Variants in MYO5C observed in about 807,000 individuals in gnomAD.
The protein encoded by MYO5C is myosin VC, also known as unconventional myosin-Vc.
In MYO5C, 194 loss-of-function variants were observed where a neutral mutation model predicts 235.7. The ratio of observed to expected loss-of-function variants is 0.82; its 90% confidence interval spans 0.73 to 0.93. The LOEUF is 0.93. Ranked by LOEUF, MYO5C falls within the 40% of genes least tolerant of loss-of-function variation. MYO5C has a pLI of 0.00. For synonymous variants in MYO5C, 707 were observed against 754.8 expected (o/e 0.94, Z 1.04); for missense variants, 2,038 against 2,127.2 (o/e 0.96, Z 0.82).
chr15:52,261,213 C>T, intron 9 of MYO5C, 86 bp from the exon 10 acceptor site: 1 of 1,499,440 alleles, frequency 6.7e-7, no homozygotes, highest in Non-Finnish European at 9.0e-7. Context: ...CGTGCCCACA[C>T]TCAGGCCTGT....
chr15:52,251,190 A>G (rs943358837), intron 13 of MYO5C, 200 bp downstream of exon 13: 6 of 385,808 alleles, frequency 1.6e-5, no homozygotes, highest in African/African-American at 1.2e-4. Flanking sequence ...TTCTAACAAC[A>G]CATTCGTCTT....
chr15:52,272,594 T>G lies in MYO5C; in HGVS notation c.736A>C (p.Arg246=), dbSNP rs771404545. 6.2e-7 allele frequency: 1 copy of G among 1,611,732 alleles called. No individual in the cohort carries two copies. The highest frequency in any genetic ancestry group is 1.1e-5 in the South Asian group (1 of 90,044). The change falls in exon 6 of 41, where the codon AGA becomes CGA. Residue 246 remains arginine (R), a synonymous_variant. Transcript: ENST00000261839. ...NMSTYLLEKS[R]VVFQSENERN... is the part of the protein sequence containing the mutation. ...TTAATACTTACTTGAAAGACAACTC[T>G]GGATTTCTCCAGGAGGTAAGTGCTC...
At position 52,218,612 on chromosome 15, in the gene MYO5C, C is replaced by G. The variant is rs1194522711; in HGVS notation, c.3861G>C (p.Glu1287Asp). The change falls in exon 32 of 41, where the codon GAG (glutamate) becomes GAC (aspartate). Residue 1287 changes from glutamate (E) to aspartate (D), a missense_variant. Glu to Asp is a conservative substitution (Grantham distance 45, BLOSUM62 2). Transcript: ENST00000261839. ...ATTGTTTCTTCAAGTGGTCACTGGC[C>G]TCCTGCATTTCTTGAATCTTATCAA... ...KLIDKIQEMQ[E>D]ASDHLKKQFE... is the part of the protein sequence containing the mutation. 6.2e-7 allele frequency: 1 copy of G among 1,614,168 alleles called. No homozygotes were observed.
At chr15:52,231,694 TACC>T (rs1426669961) in intron 24 of MYO5C, among the ~76,000 whole-genome samples, 1 of 152,150 alleles carries the variant, frequency 6.6e-6, no homozygotes, top group East Asian at 1.9e-4. Context: ...TTTTGTATCC[TACC>T]ACCACAGGCA....
At chr15:52,199,652 T>A (rs1412017139) in intron 38 of MYO5C, among the ~76,000 whole-genome samples, 1 of 152,166 alleles carries the variant, frequency 6.6e-6, no homozygotes, top group Non-Finnish European at 1.5e-5. Context: ...GGCCTCCTAA[T>A]GCTCAATGCC....
chr15:52,211,738 C>T lies in MYO5C; in HGVS notation c.4288G>A (p.Val1430Met). The change falls in exon 35 of 41, where the codon GTG becomes ATG. Residue 1430 changes from valine to methionine, a missense_variant. Transcript: ENST00000261839. The part of the protein sequence containing the change: ...MNSTINGIKQ[V>M]VKEHLEDFEM... ...TCAAAGGCATTTCCTACCTTAACCACCTGCTTGATGCCATTAATGGTGCTG... is the reference window on the plus strand; with the variant it reads ...TCAAAGGCATTTCCTACCTTAACCATCTGCTTGATGCCATTAATGGTGCTG... 2 of 1,613,612 alleles carry T rather than the reference C, an allele frequency of 1.2e-6. No individual in the cohort carries two copies. Among genetic ancestry groups the T allele is most frequent in the Non-Finnish European group, 1.7e-6 (2 of 1,179,692 alleles).
In MYO5C at chr15:52,195,402, G is replaced by A. The variant is rs2035023079; in HGVS notation, c.5051C>T (p.Thr1684Ile). ...TPIDDFEKRV[T>I]PSFVRKVQAL... ...CTGTACTTTGCGAACAAAGGATGGA[G>A]TCACTCTCTTCTCAAAGTCATCTAT... Residue 1684 changes from threonine (T) to isoleucine (I), a missense_variant, in exon 40 of 41, where the codon ACT becomes ATT. Transcript: ENST00000261839. The A allele has an allele frequency of 6.2e-7, 1 of 1,613,176 alleles. No individual in the cohort carries two copies. Among genetic ancestry groups the A allele is most frequent in the South Asian group, 1.1e-5 (1 of 90,896 alleles).
At chr15:52,230,825 C>CCT (rs1465242019) in intron 24 of MYO5C, among the ~76,000 whole-genome samples, 2 of 142,592 alleles carry the variant, frequency 1.4e-5, no homozygotes, top group African/African-American at 5.5e-5. Context: ...CAGAAGTCTT[C>CCT]CTTTTTTTTT....
intron 2 of MYO5C, among the ~76,000 whole-genome samples, chr15:52,282,497 T>C (rs1338520513): frequency 1.3e-5 from 2 of 152,248 alleles, no homozygotes; most frequent in Non-Finnish European, 2.9e-5. Context: ...CCAGTAATGC[T>C]GGGTGCCTGG....
intron 10 of MYO5C, among the ~76,000 whole-genome samples, chr15:52,260,183 GGA>G (rs2036662221): frequency 6.6e-6 from 1 of 152,216 alleles, no homozygotes; most frequent in Non-Finnish European, 1.5e-5. Flanking sequence ...TAGAAAAGGA[GGA>G]CCAGGCAGAG....
chr15:52,288,403 A>G (rs1406050809), intron 1 of MYO5C, among the ~76,000 whole-genome samples: 1 of 152,180 alleles, frequency 6.6e-6, no homozygotes, highest in East Asian at 1.9e-4. Flanking sequence ...GACATACGTA[A>G]CCACTGACGG....
chr15:52,286,668 T>C (rs562693005), intron 1 of MYO5C, among the ~76,000 whole-genome samples: 2,955 of 152,196 alleles, frequency 0.019, 109 homozygotes, highest in African/African-American at 0.065. Flanking sequence ...CTGAAACATG[T>C]GCTGTGTCCA....
At chr15:52,244,670 G>A (rs2036301502) in intron 18 of MYO5C, 103 bp from the exon 19 acceptor site, 2 of 779,884 alleles carry the variant, frequency 2.6e-6, no homozygotes. Flanking sequence ...CAGAAATATT[G>A]TGATTTTGAC....
At chr15:52,255,372 T>C (rs766468382) in intron 11 of MYO5C, among the ~76,000 whole-genome samples, 26 of 152,216 alleles carry the variant, frequency 1.7e-4, no homozygotes, top group Non-Finnish European at 3.2e-4. Context: ...GAGTAACTGT[T>C]AGGGTATTAA....
rs1308907438 is a variant in MYO5C at position 52,269,807 on chromosome 15, C to T, written c.886G>A (p.Gly296Ser). The T allele has an allele frequency of 6.2e-7, 1 of 1,613,638 alleles. No individual in the cohort carries two copies. The highest frequency in any genetic ancestry group is 8.5e-7 in the Non-Finnish European group (1 of 1,179,880). ...ACCATTTCAGCTCGATCATTCACAC[C>T]CTCAATGACAGTATTGCCTCCCATT... ...TRMGGNTVIE[G>S]VNDRAEMVET... Residue 296 changes from glycine to serine, a missense_variant, in exon 8 of 41, where the codon GGT becomes AGT. Gly to Ser is a moderately conservative substitution (Grantham distance 56, BLOSUM62 0). Coordinates refer to ENST00000261839, the MANE Select transcript of MYO5C (RefSeq NM_018728.4).
intron 11 of MYO5C, 38 bp downstream of exon 11, chr15:52,256,601 G>A (rs928573078): frequency 2.0e-6 from 3 of 1,496,710 alleles, no homozygotes; most frequent in African/African-American, 1.5e-5. Context: ...GCGCGCGCGC[G>A]GCTGAGAACT....
chr15:52,205,884 C>T lies in MYO5C; in HGVS notation c.4469G>A (p.Ser1490Asn). Reference sequence around the variant, plus strand: ...ATGATATATTCGTATAGCCACATCACTGAGAATCTGTCTGTATTCTGAAAG... The same window carrying T: ...ATGATATATTCGTATAGCCACATCATTGAGAATCTGTCTGTATTCTGAAAG... Reference protein sequence around the residue: ...FDLSEYRQILSDVAIRIYHQF... With the variant: ...FDLSEYRQILNDVAIRIYHQF... Residue 1490 changes from serine (S) to asparagine (N), a missense_variant, in exon 37 of 41, where the codon AGT (serine) becomes AAT (asparagine). Ser to Asn is a conservative substitution (Grantham distance 46, BLOSUM62 1). Coordinates refer to ENST00000261839, the MANE Select transcript of MYO5C (RefSeq NM_018728.4). 1 of 1,596,066 alleles carries T rather than the reference C, an allele frequency of 6.3e-7. No homozygotes were observed. Among genetic ancestry groups the T allele is most frequent in the Middle Eastern group, 1.7e-4 (1 of 6,016 alleles).
At chr15:52,206,095 G>A (rs2035305731) in intron 36 of MYO5C, 129 bp from the exon 37 acceptor site, 1 of 574,298 alleles carries the variant, frequency 1.7e-6, no homozygotes, top group Non-Finnish European at 2.8e-6. Flanking sequence ...ATGATGCTTG[G>A]GGTAGCATGT....
At chr15:52,236,444 G>A (rs545368975) in intron 22 of MYO5C, among the ~76,000 whole-genome samples, 20 of 152,326 alleles carry the variant, frequency 1.3e-4, no homozygotes, top group Non-Finnish European at 2.4e-4. Context: ...GAGGCCAAGC[G>A]GGGGTGGATC....
Sources: gnomAD v4.1 joint callset for allele counts (sites outside exome capture counted in the v4.1 genomes callset) on GRCh38, gnomAD v4.1.1 for gene constraint, MANE v1.5 for transcripts, NCBI Gene and HGNC (gene_info 2026-07-23, HGNC 2026-07-21) for gene names.